The following CDH4 variants were observed in gnomAD, a reference collection of about 807,000 sequenced individuals.
CDH4 encodes cadherin-4.
CDH4 carries 33 observed loss-of-function variants against 86.0 expected under a neutral mutation model. The ratio of observed to expected loss-of-function variants is 0.38; its 90% confidence interval spans 0.29 to 0.51. CDH4 has a LOEUF of 0.51. Among genes scored for constraint, CDH4 ranks in the 20% least tolerant of loss-of-function variants. CDH4 has a pLI of 0.86. For missense variants in CDH4, 1,114 were observed against 1,307.4 expected, an observed-to-expected ratio of 0.85 and a Z score of 2.28; for synonymous variants, 555 against 549.4, an observed-to-expected ratio of 1.01 and a Z score of -0.14.
At chr20:61,695,923 C>G (rs1600884299) in intron 2 of CDH4, among the ~76,000 whole-genome samples, 1 of 152,200 alleles carries the variant, frequency 6.6e-6, no homozygotes, top group East Asian at 1.9e-4. Flanking sequence ...CAGGCCCGGC[C>G]TCACCCACCC....
At chr20:61,299,358 T>G (rs2084374206) in intron 2 of CDH4, among the ~76,000 whole-genome samples, 1 of 152,152 alleles carries the variant, frequency 6.6e-6, no homozygotes, top group African/African-American at 2.4e-5. Context: ...CACTCTGATC[T>G]CCGTCAAACT....
At chr20:61,256,322 TATG>T (rs1311389592) in intron 2 of CDH4, among the ~76,000 whole-genome samples, 2 of 152,212 alleles carry the variant, frequency 1.3e-5, no homozygotes, top group Non-Finnish European at 2.9e-5. Context: ...TGTGGCCAAA[TATG>T]ATAAGACCTT....
intron 2 of CDH4, among the ~76,000 whole-genome samples, chr20:61,587,555 G>A (rs375257522): frequency 1.3e-5 from 2 of 152,084 alleles, no homozygotes; most frequent in African/African-American, 4.8e-5. Flanking sequence ...CAGGCCGAGC[G>A]CGGGGAGGTT....
intron 3 of CDH4, among the ~76,000 whole-genome samples, chr20:61,752,570 G>A (rs865869998): frequency 1.2e-4 from 18 of 152,090 alleles, no homozygotes; most frequent in South Asian, 4.1e-4. Flanking sequence ...AACTCTGTAC[G>A]GGACGTTAAG....
chr20:61,723,297 C>T (rs1004629074), intron 2 of CDH4, among the ~76,000 whole-genome samples: 12 of 152,300 alleles, frequency 7.9e-5, no homozygotes, highest in African/African-American at 2.9e-4. Flanking sequence ...GGAGCCCCTG[C>T]ACCTCCTCCG....
chr20:61,883,204 C>T (rs1484366682), intron 7 of CDH4, among the ~76,000 whole-genome samples: 3 of 152,068 alleles, frequency 2.0e-5, no homozygotes, highest in Non-Finnish European at 2.9e-5. Context: ...GTCTGCCTGG[C>T]AAACAGCCCT....
intron 2 of CDH4, among the ~76,000 whole-genome samples, chr20:61,505,357 G>A (rs895616885): frequency 2.0e-5 from 3 of 152,198 alleles, no homozygotes; most frequent in African/African-American, 4.8e-5. Flanking sequence ...GGAGTTAGGC[G>A]TAGCTTCAGG....
At chr20:61,548,841 G>A (rs543370503) in intron 2 of CDH4, among the ~76,000 whole-genome samples, 7 of 152,306 alleles carry the variant, frequency 4.6e-5, no homozygotes, top group African/African-American at 1.2e-4. Flanking sequence ...GAATTGGCAG[G>A]TGATTGGAAC....
At chr20:61,513,347 C>A (rs1465298655) in intron 2 of CDH4, among the ~76,000 whole-genome samples, 1 of 152,244 alleles carries the variant, frequency 6.6e-6, no homozygotes, top group Non-Finnish European at 1.5e-5. Flanking sequence ...CGGGGGCTAA[C>A]TTCCTTCTGG....
chr20:61,489,508 C>T (rs574970426), intron 2 of CDH4, among the ~76,000 whole-genome samples: 1 of 152,304 alleles, frequency 6.6e-6, no homozygotes, highest in South Asian at 2.1e-4. Flanking sequence ...ACCTAATAGT[C>T]GTGATAAAGT....
At chr20:61,318,070 C>T (rs559124933) in intron 2 of CDH4, among the ~76,000 whole-genome samples, 3 of 152,246 alleles carry the variant, frequency 2.0e-5, no homozygotes, top group Non-Finnish European at 2.9e-5. Context: ...CTCTCCGTCC[C>T]GGCTGGAGGG....
chr20:61,891,730 T>C (rs1042255505), intron 7 of CDH4, among the ~76,000 whole-genome samples: 1 of 152,198 alleles, frequency 6.6e-6, no homozygotes, highest in Non-Finnish European at 1.5e-5. Context: ...TGGGAGGCCT[T>C]GTGGAACACC....
chr20:61,740,155 A>G (rs2088316088), intron 2 of CDH4, among the ~76,000 whole-genome samples: 2 of 152,234 alleles, frequency 1.3e-5, no homozygotes, highest in African/African-American at 4.8e-5. Context: ...TAAATGTCTC[A>G]GCATTGTTAG....
chr20:61,580,457 AAAAAT>A (rs140265674), intron 2 of CDH4, among the ~76,000 whole-genome samples: 12,011 of 151,990 alleles, frequency 0.079, 1,004 homozygotes, highest in African/African-American at 0.2. Flanking sequence ...CTCCATCTCA[AAAAAT>A]AAAATAAAAT....
intron 2 of CDH4, among the ~76,000 whole-genome samples, chr20:61,324,762 A>G (rs2084527831): frequency 6.6e-6 from 1 of 152,214 alleles, no homozygotes; most frequent in African/African-American, 2.4e-5. Context: ...AGGAGATTCT[A>G]GCGCCCAGGA....
chr20:61,554,806 A>G (rs2086162746), intron 2 of CDH4, among the ~76,000 whole-genome samples: 1 of 152,254 alleles, frequency 6.6e-6, no homozygotes, highest in Admixed American at 6.5e-5. Flanking sequence ...GTGCACATGT[A>G]TGCACATGCG....
intron 7 of CDH4, among the ~76,000 whole-genome samples, chr20:61,888,073 G>C (rs1331279526): frequency 6.6e-6 from 1 of 152,224 alleles, no homozygotes; most frequent in Non-Finnish European, 1.5e-5. Context: ...GAAATGAAGA[G>C]TGTCCACAGC....
intron 2 of CDH4, among the ~76,000 whole-genome samples, chr20:61,554,496 G>A (rs1352442862): frequency 6.6e-6 from 1 of 152,244 alleles, no homozygotes; most frequent in Non-Finnish European, 1.5e-5. Context: ...TGCAGTGAGT[G>A]CTGGGAGAGC....
intron 2 of CDH4, among the ~76,000 whole-genome samples, chr20:61,626,126 A>G (rs2086827800): frequency 6.6e-6 from 1 of 152,232 alleles, no homozygotes; most frequent in Non-Finnish European, 1.5e-5. Context: ...AGGGAACAGA[A>G]GAGACCGAGA....
Sources: gnomAD v4.1 joint callset for allele counts (sites outside exome capture counted in the v4.1 genomes callset) on GRCh38, gnomAD v4.1.1 for gene constraint, MANE v1.5 for transcripts, NCBI Gene and HGNC (gene_info 2026-07-23, HGNC 2026-07-21) for gene names.